The following USP5 variants were observed in gnomAD, a reference collection of about 807,000 sequenced individuals.
USP5 encodes ubiquitin carboxyl-terminal hydrolase 5.
A neutral mutation model predicts 102.5 loss-of-function variants in USP5; 24 were observed. The ratio of observed to expected loss-of-function variants is 0.23; its 90% CI spans 0.17 to 0.33. The LOEUF (loss-of-function observed/expected upper bound fraction) is 0.33. USP5 is among the 10% of genes least tolerant of loss of function. USP5 has a pLI of 1.00. For missense variants in USP5, 753 were observed against 1,122.1 expected (o/e 0.67, Z 4.70); for synonymous variants, 460 against 434.8 (o/e 1.06, Z -0.72).
At chr12:6,852,906 C>T (rs1231019960) in intron 1 of USP5, among the ~76,000 whole-genome samples, 2 of 151,918 alleles carry the variant, frequency 1.3e-5, no homozygotes, top group African/African-American at 4.8e-5. Context: ...GCCGCAGCCC[C>T]CACCCTTCCC....
In USP5 at chr12:6,864,525, G is replaced by A. The variant is rs782620941; in HGVS notation, c.2245-197G>A. Among the ~76,000 whole-genome samples the A allele has an allele frequency of 3.9e-5, 6 of 152,204 alleles. No individual in the cohort carries two copies. The highest frequency in any genetic ancestry group is 3.4e-3 in the Middle Eastern group (1 of 294). Reference sequence around the variant, plus strand: ...TAACACGGTGAAACCCCGTCTCTACGAAAAATACAAAAAATTAACCAAGCG... The same window carrying A: ...TAACACGGTGAAACCCCGTCTCTACAAAAAATACAAAAAATTAACCAAGCG... On this transcript the variant is annotated intron_variant, in intron 17 of 19. Coordinates refer to ENST00000229268, the MANE Select transcript of USP5 (RefSeq NM_001098536.2). The surrounding 1 kb of genome is among the most constrained non-coding windows in gnomAD (Gnocchi z 4.8).
At chr12:6,857,166 T>C (rs1457732412) in intron 6 of USP5, among the ~76,000 whole-genome samples, 1 of 152,122 alleles carries the variant, frequency 6.6e-6, no homozygotes, top group Non-Finnish European at 1.5e-5. Flanking sequence ...TGGTAGCTCC[T>C]GCCTGTAGTC....
rs1208546226 is a variant in USP5, at chr12:6,856,216, G to C, written c.438+66G>C. The C allele has an allele frequency of 1.9e-6, 3 of 1,608,270 alleles. No homozygotes were observed. The highest frequency in any genetic ancestry group is 2.6e-6 in the Non-Finnish European group (3 of 1,176,082). On this transcript the variant is annotated intron_variant, in intron 4 of 19. Coordinates refer to ENST00000229268, the MANE Select transcript of USP5 (RefSeq NM_001098536.2). This position sits in a 1 kb window ranked among gnomAD's most constrained non-coding sequence, Gnocchi z 5.6. ...ATGGGCCAGGGTAGTGGTGTCTTAG[G>C]CAAGCACTGACAAAGCTGAAGGCCA...
rs1555129786 is a variant in USP5, at chr12:6,862,490, T to G, written c.1694T>G (p.Phe565Cys). 1 of 1,614,150 alleles carries G rather than the reference T, an allele frequency of 6.2e-7. No homozygotes were observed. The highest frequency in any genetic ancestry group is 1.7e-5 in the Admixed American group (1 of 60,024). ...VAVKTTRFAS[F>C]PDYLVIQIKK... ...CCTAGGACCACACGATTTGCCTCAT[T>G]CCCTGACTACCTGGTCATCCAGATC... is the stretch of plus-strand genomic sequence containing the variant. The change falls in exon 14 of 20, where the codon TTC becomes TGC. Residue 565 changes from phenylalanine (F) to cysteine (C), a missense_variant. Phe to Cys is a radical substitution (Grantham distance 205). Around this residue, in one of 3 missense-constraint regions of USP5, gnomAD observed 527 missense variants for 816.5 expected, o/e 0.65. Transcript: ENST00000229268.
intron 1 of USP5, among the ~76,000 whole-genome samples, chr12:6,852,540 CTGCCTTCGT>C (rs747921762): frequency 6.6e-6 from 1 of 152,298 alleles, no homozygotes; most frequent in Non-Finnish European, 1.5e-5. Flanking sequence ...TAGTCACTCA[CTGCCTTCGT>C]TGCCGTTCTA....
chr12:6,853,259 T>C (rs782036420), intron 1 of USP5, among the ~76,000 whole-genome samples: 3 of 152,196 alleles, frequency 2.0e-5, no homozygotes, highest in African/African-American at 4.8e-5. Context: ...GCTCATGGCC[T>C]GAAAACTGCA....
At position 6,856,297 on chromosome 12, in the gene USP5, T is replaced by A; in HGVS notation, c.439-8T>A. The A allele has an allele frequency of 6.2e-7, 1 of 1,611,058 alleles. No individual in the cohort carries two copies. The highest frequency in any genetic ancestry group is 8.5e-7 in the Non-Finnish European group (1 of 1,178,348). On this transcript the variant is annotated splice_polypyrimidine_tract_variant and splice_region_variant and intron_variant, in intron 4 of 19. Coordinates refer to ENST00000229268, the MANE Select transcript of USP5 (RefSeq NM_001098536.2). The surrounding 1 kb of genome is among the most constrained non-coding windows in gnomAD (Gnocchi z 5.6). ...TGGGTATTGCCTCTGACCCTCTGCT[T>A]CCCCCAGGTGACCAGTGCAGTGGAG...
At position 6,857,687 on chromosome 12, in the gene USP5, G is replaced by C. The variant is rs141113721; in HGVS notation, c.828G>C (p.Leu276=). 1.4e-5 allele frequency: 23 copies of C among 1,613,964 alleles called. No homozygotes were observed. Among genetic ancestry groups the C allele is most frequent in the African/African-American group, 2.7e-5 (2 of 74,914 alleles). The part of the protein sequence containing the change: ...MVLDPSLAEH[L]SHFGIDMLKM... Reference sequence around the variant, plus strand: ...TGGACCCCAGCCTGGCTGAGCACCTGTCCCACTTCGGCATCGACATGCTGA... The same window carrying C: ...TGGACCCCAGCCTGGCTGAGCACCTCTCCCACTTCGGCATCGACATGCTGA... Residue 276 remains leucine (L), a synonymous_variant, in exon 7 of 20, where the codon CTG becomes CTC. Coordinates refer to ENST00000229268, the MANE Select transcript of USP5 (RefSeq NM_001098536.2).
chr12:6,852,384 C>G (rs1943939466), intron 1 of USP5, 94 bp downstream of exon 1: 2 of 1,232,556 alleles, frequency 1.6e-6, no homozygotes, highest in South Asian at 1.3e-5. Context: ...TACCGCCTCC[C>G]TGCGATGCAC....
intron 14 of USP5, 103 bp downstream of exon 14, chr12:6,862,661 A>G (rs782398059): frequency 1.5e-5 from 15 of 1,030,038 alleles, no homozygotes; most frequent in Non-Finnish European, 2.2e-5. Context: ...CTGAAAGAGG[A>G]AAAAAAATCA....
Position 6,855,908 on chromosome 12 carries a change from G to C in USP5, c.304+87G>C. On this transcript the variant is annotated intron_variant, in intron 3 of 19. Transcript: ENST00000229268. This position sits in a 1 kb window ranked among gnomAD's most constrained non-coding sequence, Gnocchi z 4.6. Reference sequence around the variant, plus strand: ...CAGGAAAGCCCCAAAGAGTGGGCCTGATTGATGGCCCTAGAACTCTGGATG... The same window carrying C: ...CAGGAAAGCCCCAAAGAGTGGGCCTCATTGATGGCCCTAGAACTCTGGATG... The C allele has an allele frequency of 1.2e-6, 2 of 1,606,438 alleles. No homozygotes were observed. The highest frequency in any genetic ancestry group is 1.3e-5 in the African/African-American group (1 of 74,902).
At chr12:6,857,252 C>T (rs1944143843) in intron 6 of USP5, 2 of 328,916 alleles carry the variant, frequency 6.1e-6, no homozygotes, top group Non-Finnish European at 1.1e-5. Context: ...GCTATGATTG[C>T]ACCACTGGAC....
rs782806872 is a variant in USP5 at position 6,863,050 on chromosome 12, C to T, written c.1763-136C>T. 1 of 787,488 alleles carries T rather than the reference C, an allele frequency of 1.3e-6. No homozygotes were observed. The highest frequency in any genetic ancestry group is 1.9e-6 in the Non-Finnish European group (1 of 513,144). 48.8% of individuals were successfully genotyped at this position (787,488 alleles called of 1,614,324 possible). ...TAGTATTATTTGTCTTATACTGGGA[C>T]CCCTAAGATGGGTGCCGTGCTTTTA... On this transcript the variant is annotated intron_variant, in intron 14 of 19. Transcript: ENST00000229268. This position sits in a 1 kb window ranked among gnomAD's most constrained non-coding sequence, Gnocchi z 4.7.
Position 6,861,374 on chromosome 12 carries a change from G to A in USP5, c.1499-69G>A, listed in dbSNP as rs1323798921. 26 of 1,488,892 alleles carry A rather than the reference G, an allele frequency of 1.7e-5. No homozygotes were observed. The East Asian group carries it at 4.6e-4, about 26-fold the overall frequency. 92.2% of individuals were successfully genotyped at this position (1,488,892 alleles called of 1,614,324 possible). On this transcript the variant is annotated intron_variant, in intron 12 of 19. Transcript: ENST00000229268. This position sits in a 1 kb window ranked among gnomAD's most constrained non-coding sequence, Gnocchi z 4.9. ...GAACTGAAATACGGACACAGAGCCA[G>A]TAGGGAGAGGCTAAGGAGGCAAAGA...
In USP5 at chr12:6,855,355, G is replaced by T; in HGVS notation, c.112-46G>T. 1 of 1,607,430 alleles carries T rather than the reference G, an allele frequency of 6.2e-7. No homozygotes were observed. Among genetic ancestry groups the T allele is most frequent in the Non-Finnish European group, 8.5e-7 (1 of 1,176,784 alleles). On this transcript the variant is annotated intron_variant, in intron 1 of 19. Coordinates refer to ENST00000229268, the MANE Select transcript of USP5 (RefSeq NM_001098536.2). The surrounding 1 kb of genome is among the most constrained non-coding windows in gnomAD (Gnocchi z 4.6). ...GGTTTTGGTTTCCTCACCTGACCAG[G>T]CTTCATAACATCCTCGTGTTTTCAC...
chr12:6,864,558 G>T lies in USP5; in HGVS notation c.2245-164G>T, dbSNP rs1944374905. On this transcript the variant is annotated intron_variant, in intron 17 of 19. Transcript: ENST00000229268. This position sits in a 1 kb window ranked among gnomAD's most constrained non-coding sequence, Gnocchi z 4.8. ...CAAAAAATTAACCAAGCGTGGTGGT[G>T]GGCGTCTGTAGTCCCAGCTACTTGG... 6.6e-6 allele frequency among the ~76,000 whole-genome samples: 1 copy of T among 152,292 alleles called. No individual in the cohort carries two copies. Among genetic ancestry groups the T allele is most frequent in the East Asian group, 1.9e-4 (1 of 5,178 alleles).
At chr12:6,852,498 G>T (rs1943946616) in intron 1 of USP5, among the ~76,000 whole-genome samples, 1 of 152,244 alleles carries the variant, frequency 6.6e-6, no homozygotes, top group Non-Finnish European at 1.5e-5. Flanking sequence ...CACCTCTCCG[G>T]CTCCCCGCTT....
At chr12:6,852,380 C>A in intron 1 of USP5, 90 bp downstream of exon 1, 1 of 1,312,636 alleles carries the variant, frequency 7.6e-7, no homozygotes, top group African/African-American at 1.5e-5. Context: ...GGGCTACCGC[C>A]TCCCTGCGAT....
In USP5 at chr12:6,865,305, C is replaced by T. The variant is rs374554839; in HGVS notation, c.2483+57C>T. Reference sequence around the variant, plus strand: ...GAATGGTGGTGGGAATGAGGAGGGCCATTTGGAAGTCCTTGGGATAGCTAT... The same window carrying T: ...GAATGGTGGTGGGAATGAGGAGGGCTATTTGGAAGTCCTTGGGATAGCTAT... On this transcript the variant is annotated intron_variant, in intron 19 of 19. Coordinates refer to ENST00000229268, the MANE Select transcript of USP5 (RefSeq NM_001098536.2). 42 of 1,495,574 alleles carry T rather than the reference C, an allele frequency of 2.8e-5. No individual in the cohort carries two copies. The African/African-American group carries it at 5.4e-4, about 19-fold the overall frequency. 92.6% of individuals were successfully genotyped at this position (1,495,574 alleles called of 1,614,324 possible). A position where few individuals can be genotyped will look rare whatever the true frequency, so the allele number is the denominator to read the frequency against.
Sources: gnomAD v4.1 joint callset for allele counts (sites outside exome capture counted in the v4.1 genomes callset) on GRCh38, gnomAD v4.1.1 for gene constraint, gnomAD v4.1.1 regional missense constraint, Gnocchi (gnomAD v3.1) non-coding constraint, MANE v1.5 for transcripts, NCBI Gene and HGNC (gene_info 2026-07-23, HGNC 2026-07-21) for gene names.